Variants in PRMT8 observed in about 807,000 individuals in gnomAD.
The protein encoded by PRMT8 is protein arginine methyltransferase 8.
A neutral mutation model predicts 47.1 loss-of-function variants in PRMT8; 7 were observed. The ratio of observed to expected loss-of-function variants is 0.15; its 90% CI spans 0.08 to 0.28. The LOEUF is 0.28. Ranked by LOEUF, PRMT8 falls within the 10% of genes least tolerant of loss-of-function variation. The probability of loss-of-function intolerance (pLI) is 1.00; values close to 1 mark genes in which losing one functional copy is unlikely to be tolerated. For missense variants in PRMT8, 237 were observed against 505.4 expected (o/e 0.47, Z 5.09); for synonymous variants, 188 against 186.5 (o/e 1.01, Z -0.07).
At chr12:3,428,831 CCTCT>C (rs908541715) in intron 1 of PRMT8, among the ~76,000 whole-genome samples, 2 of 143,062 alleles carry the variant, frequency 1.4e-5, no homozygotes, top group African/African-American at 2.6e-5. Context: ...TCTCTCTCTG[CCTCT>C]CTCTATCTCT....
Position 3,508,067 on chromosome 12 carries a change from G to A in PRMT8, c.75+16367G>A, listed in dbSNP as rs1177406885. Among the ~76,000 whole-genome samples the A allele has an allele frequency of 6.6e-6, 1 of 152,182 alleles. No individual in the cohort carries two copies. Among genetic ancestry groups the A allele is most frequent in the African/African-American group, 2.4e-5 (1 of 41,448 alleles). On this transcript the variant is annotated intron_variant, in intron 1 of 9. Transcript: ENST00000382622. This position sits in a 1 kb window ranked among gnomAD's most constrained non-coding sequence, Gnocchi z 4.9. ...AAATCCCATTTTATAGGCTGGCCATGAGGATTACATTTGATAATGGGATAC... is the reference window on the plus strand; with the variant it reads ...AAATCCCATTTTATAGGCTGGCCATAAGGATTACATTTGATAATGGGATAC...
rs149819501 is a variant in PRMT8, at chr12:3,437,249, A to G, written c.48+55807A>G. Reference sequence around the variant, plus strand: ...GCAACTTCATTTTTCCCCCTCAACCATATGACATAGAAAGTTTCTAGGTTA... The same window carrying G: ...GCAACTTCATTTTTCCCCCTCAACCGTATGACATAGAAAGTTTCTAGGTTA... On this transcript the variant is annotated intron_variant, in intron 1 of 9. Coordinates refer to the PRMT8 transcript ENST00000452611. Among the ~76,000 whole-genome samples, 410 of 152,176 alleles carry G rather than the reference A, an allele frequency of 2.7e-3. 3 individuals are homozygous for G. Among genetic ancestry groups the G allele is most frequent in the African/African-American group, 9.5e-3 (394 of 41,532 alleles).
intron 1 of PRMT8, among the ~76,000 whole-genome samples, chr12:3,438,957 T>C (rs747110427): frequency 1.9e-4 from 29 of 152,260 alleles, no homozygotes; most frequent in Non-Finnish European, 3.7e-4. Context: ...TATTTTAATT[T>C]CTGTGATTTT....
At chr12:3,414,611 A>G (rs1864465913) in intron 1 of PRMT8, among the ~76,000 whole-genome samples, 2 of 152,136 alleles carry the variant, frequency 1.3e-5, no homozygotes. Context: ...CTGCTCCCTC[A>G]ATATCTGGGT....
At chr12:3,520,111 A>G (rs569237033) in intron 1 of PRMT8, among the ~76,000 whole-genome samples, 1 of 152,186 alleles carries the variant, frequency 6.6e-6, no homozygotes, top group Non-Finnish European at 1.5e-5. Context: ...GGATCCTTGC[A>G]GCTGAGGAGG....
intron 1 of PRMT8, among the ~76,000 whole-genome samples, chr12:3,386,674 C>T (rs190005530): frequency 1.3e-5 from 2 of 152,094 alleles, no homozygotes; most frequent in East Asian, 3.9e-4. Context: ...ACACAGTGTT[C>T]ATCAAGGTGT....
At chr12:3,537,178 C>A (rs1591591263) in intron 1 of PRMT8, among the ~76,000 whole-genome samples, 1 of 152,216 alleles carries the variant, frequency 6.6e-6, no homozygotes, top group Admixed American at 6.5e-5. Context: ...ATATGCAGAG[C>A]TGTGGTTGTT....
intron 1 of PRMT8, among the ~76,000 whole-genome samples, chr12:3,537,029 A>G (rs1866129475): frequency 6.6e-6 from 1 of 152,248 alleles, no homozygotes; most frequent in Non-Finnish European, 1.5e-5. Flanking sequence ...AAGTCCACAG[A>G]ACTTCAATTG....
At chr12:3,553,237 G>T in intron 3 of PRMT8, 1 of 241,610 alleles carries the variant, frequency 4.1e-6, no homozygotes, top group Non-Finnish European at 8.0e-6. Flanking sequence ...ACCCTGGAAG[G>T]GCTGGGCTGC....
intron 1 of PRMT8, among the ~76,000 whole-genome samples, chr12:3,396,113 T>C (rs1003313706): frequency 3.3e-5 from 5 of 152,224 alleles, no homozygotes; most frequent in Admixed American, 1.3e-4. Flanking sequence ...TGTCTCTGCA[T>C]GTGAGATGGG....
intron 1 of PRMT8, among the ~76,000 whole-genome samples, chr12:3,529,167 C>T (rs2137150930): frequency 6.6e-6 from 1 of 152,276 alleles, no homozygotes; most frequent in East Asian, 1.9e-4. Context: ...ATCTGTCTTG[C>T]TGTCCCCAGA....
intron 1 of PRMT8, among the ~76,000 whole-genome samples, chr12:3,474,581 C>A (rs907013338): frequency 1.3e-5 from 2 of 152,074 alleles, no homozygotes; most frequent in South Asian, 2.1e-4. Flanking sequence ...TGTGCAGACT[C>A]CATGCTCTCC....
chr12:3,464,799 C>T (rs1486344325), intron 1 of PRMT8, among the ~76,000 whole-genome samples: 1 of 152,096 alleles, frequency 6.6e-6, no homozygotes, highest in Non-Finnish European at 1.5e-5. Context: ...CTTTCATTCG[C>T]ATAAACAGAC....
At chr12:3,567,953 A>T (rs1419899427) in intron 4 of PRMT8, among the ~76,000 whole-genome samples, 2 of 152,074 alleles carry the variant, frequency 1.3e-5, no homozygotes, top group East Asian at 1.9e-4. Context: ...CATGCCTGTA[A>T]TCCCAGCTAC....
chr12:3,491,831 CCTGTGTGTGT>C lies in PRMT8; in HGVS notation c.75+132_75+141del, dbSNP rs1156866286. ...TCCCGCTCGCTTCTGCCGGCCTCCT[CCTGTGTGTGT>C]GTGTGTGTGTGTGTGTGTGTGTGTG... On this transcript the variant is annotated intron_variant, in intron 1 of 9. Transcript: ENST00000382622. 75 of 738,930 alleles carry C rather than the reference CCTGTGTGTGT, an allele frequency of 1.0e-4. 1 individual carries two copies. The highest frequency in any genetic ancestry group is 5.9e-4 in the East Asian group (11 of 18,586). The allele number at this position is 738,930 out of a possible 1,614,324, so 45.8% of individuals were successfully genotyped here. A position where few individuals can be genotyped will look rare whatever the true frequency, so the allele number is the denominator to read the frequency against.
In PRMT8 at chr12:3,593,416, A is replaced by G; in HGVS notation, c.*234A>G. ...TTCACGAAGGCTTTGTGTTGCCAAC[A>G]AAGAGCGACCTGGCGTGCTGTGGCT... On this transcript the variant is annotated 3_prime_UTR_variant, in exon 10 of 10. Transcript: ENST00000382622. The surrounding 1 kb of genome is among the most constrained non-coding windows in gnomAD (Gnocchi z 4.8). The G allele has an allele frequency of 1.9e-6, 1 of 517,424 alleles. No homozygotes were observed. The highest frequency in any genetic ancestry group is 2.4e-5 in the South Asian group (1 of 42,536). The allele number at this position is 517,424 out of a possible 1,614,324, so 32.1% of individuals were successfully genotyped here. A position where few individuals can be genotyped will look rare whatever the true frequency, so the allele number is the denominator to read the frequency against.
intron 7 of PRMT8, 47 bp downstream of exon 7, chr12:3,577,033 C>T: frequency 6.6e-7 from 1 of 1,504,036 alleles, no homozygotes; most frequent in Admixed American, 1.7e-5. Flanking sequence ...GGGAGCCCCG[C>T]TGTGCCACCC....
intron 1 of PRMT8, among the ~76,000 whole-genome samples, chr12:3,531,407 A>G (rs1866028239): frequency 6.6e-6 from 1 of 152,214 alleles, no homozygotes; most frequent in Non-Finnish European, 1.5e-5. Context: ...CAGCCAAAAT[A>G]TCTGAGGATA....
At position 3,409,176 on chromosome 12, in the gene PRMT8, G is replaced by T. The variant is rs528539335; in HGVS notation, c.48+27734G>T. ...GTGAATGCAGATGGCCCACAAAGCT[G>T]GTGTCGGTGACTCTGAGGCACACTG... On this transcript the variant is annotated intron_variant, in intron 1 of 9. Transcript: ENST00000452611. This position sits in a 1 kb window ranked among gnomAD's most constrained non-coding sequence, Gnocchi z 4.4. Among the ~76,000 whole-genome samples the T allele has an allele frequency of 3.3e-5, 5 of 152,136 alleles. No homozygotes were observed. The highest frequency in any genetic ancestry group is 5.9e-5 in the Non-Finnish European group (4 of 68,020).
Sources: gnomAD v4.1 joint callset for allele counts (sites outside exome capture counted in the v4.1 genomes callset) on GRCh38, gnomAD v4.1.1 for gene constraint, Gnocchi (gnomAD v3.1) non-coding constraint, MANE v1.5 for transcripts, NCBI Gene and HGNC (gene_info 2026-07-23, HGNC 2026-07-21) for gene names.